Variants in LYPLA1 observed in about 807,000 individuals in gnomAD.
LYPLA1 encodes acyl-protein thioesterase 1.
LYPLA1 carries 17 observed loss-of-function variants against 34.0 expected under a neutral mutation model. The ratio of observed to expected loss-of-function variants is 0.50; its 90% CI spans 0.34 to 0.75. LYPLA1 has a LOEUF of 0.75. LYPLA1 is among the 30% of genes least tolerant of loss of function. LYPLA1 has a pLI of 0.01. For missense variants in LYPLA1, 203 were observed against 288.8 expected, an observed-to-expected ratio of 0.70 and a Z score of 2.15; for synonymous variants, 98 against 100.8, an observed-to-expected ratio of 0.97 and a Z score of 0.17.
chr8:54,059,785 G>A (rs1563578944), intron 5 of LYPLA1, among the ~76,000 whole-genome samples: 2 of 152,144 alleles, frequency 1.3e-5, no homozygotes, highest in Admixed American at 1.3e-4. Context: ...AGCCAGGCAT[G>A]GTGGCACATG....
At chr8:54,075,750 G>A (rs1394505664) in intron 2 of LYPLA1, among the ~76,000 whole-genome samples, 2 of 152,108 alleles carry the variant, frequency 1.3e-5, no homozygotes, top group Non-Finnish European at 2.9e-5. Flanking sequence ...TATGCTTTCT[G>A]ATCTCAGTAT....
At chr8:54,080,555 T>C (rs1808237828) in intron 2 of LYPLA1, among the ~76,000 whole-genome samples, 1 of 152,202 alleles carries the variant, frequency 6.6e-6, no homozygotes, top group Non-Finnish European at 1.5e-5. Flanking sequence ...ATGGTGACTA[T>C]AGAAACAGAA....
chr8:54,097,806 A>C, intron 2 of LYPLA1, among the ~76,000 whole-genome samples: 1 of 152,256 alleles, frequency 6.6e-6, no homozygotes, highest in Non-Finnish European at 1.5e-5. Context: ...CTTGTGATAA[A>C]GTTTATTGTG....
At chr8:54,083,704 A>T (rs10112111) in intron 2 of LYPLA1, among the ~76,000 whole-genome samples, 5,762 of 152,300 alleles carry the variant, frequency 0.038, 372 homozygotes, top group African/African-American at 0.13. Context: ...AGTTTCATAT[A>T]CTTTTCATGT....
At chr8:54,081,993 G>A (rs1393562702) in intron 2 of LYPLA1, among the ~76,000 whole-genome samples, 1 of 152,116 alleles carries the variant, frequency 6.6e-6, no homozygotes, top group Non-Finnish European at 1.5e-5. Context: ...ACCTCCCAAA[G>A]TGCTGAGATT....
intron 2 of LYPLA1, among the ~76,000 whole-genome samples, chr8:54,086,930 A>C (rs959700684): frequency 6.6e-5 from 10 of 152,192 alleles, no homozygotes; most frequent in African/African-American, 2.4e-4. Flanking sequence ...TCGACATATA[A>C]TTAGGATTAT....
chr8:54,080,496 A>T (rs1808230972), intron 2 of LYPLA1, among the ~76,000 whole-genome samples: 1 of 152,244 alleles, frequency 6.6e-6, no homozygotes, highest in Non-Finnish European at 1.5e-5. Context: ...TGACAGCCGT[A>T]TTCCTTTATG....
intron 5 of LYPLA1, among the ~76,000 whole-genome samples, chr8:54,057,022 G>A (rs1309640163): frequency 2.0e-5 from 3 of 152,086 alleles, no homozygotes; most frequent in Admixed American, 6.6e-5. Flanking sequence ...ATCACTGATC[G>A]CCAGCAAAAT....
At chr8:54,062,002 C>A (rs1027002449) in intron 5 of LYPLA1, among the ~76,000 whole-genome samples, 3 of 151,910 alleles carry the variant, frequency 2.0e-5, no homozygotes, top group Non-Finnish European at 2.9e-5. Context: ...ATTACAGGCG[C>A]CCACCACCAT....
chr8:54,054,363 A>G (rs1218535669), intron 6 of LYPLA1: 1 of 152,604 alleles, frequency 6.6e-6, no homozygotes, highest in Non-Finnish European at 1.5e-5. Context: ...AACAAACACC[A>G]AATCAGTAAC....
intron 1 of LYPLA1, 194 bp downstream of exon 1, chr8:54,101,561 G>C: frequency 7.8e-6 from 9 of 1,148,526 alleles, no homozygotes; most frequent in Non-Finnish European, 9.6e-6. Flanking sequence ...ACTGGCCCTC[G>C]CGCCGGCTGT....
At chr8:54,059,216 A>T (rs937187646) in intron 5 of LYPLA1, among the ~76,000 whole-genome samples, 1 of 152,052 alleles carries the variant, frequency 6.6e-6, no homozygotes, top group African/African-American at 2.4e-5. Flanking sequence ...TCTAACTCTA[A>T]TCTACTTTTT....
At chr8:54,063,425 C>T (rs755604160) in intron 3 of LYPLA1, 50 bp from the exon 4 acceptor site, 2 of 1,153,210 alleles carry the variant, frequency 1.7e-6, no homozygotes, top group African/African-American at 1.6e-5. Context: ...AGCATAAAAA[C>T]TGATAAATTC....
intron 2 of LYPLA1, among the ~76,000 whole-genome samples, chr8:54,066,694 T>C (rs1807092603): frequency 6.6e-6 from 1 of 151,638 alleles, no homozygotes; most frequent in Non-Finnish European, 1.5e-5. Flanking sequence ...GGCAGGAGAA[T>C]TGCTTGAACC....
intron 2 of LYPLA1, among the ~76,000 whole-genome samples, chr8:54,067,716 G>A (rs1391205337): frequency 2.9e-5 from 4 of 136,214 alleles, no homozygotes; most frequent in Non-Finnish European, 6.2e-5. Flanking sequence ...TTTTTTTTGA[G>A]ACAGAGTCTT....
chr8:54,059,078 T>C (rs558821334), intron 5 of LYPLA1, among the ~76,000 whole-genome samples: 16 of 152,310 alleles, frequency 1.1e-4, no homozygotes, highest in Admixed American at 4.6e-4. Context: ...AATCTTTCAT[T>C]CTGGACCTCA....
At position 54,101,904 on chromosome 8, in the gene LYPLA1, C is replaced by A; in HGVS notation, c.-81G>T. On this transcript the variant is annotated 5_prime_UTR_variant, in exon 1 of 9. Transcript: ENST00000316963. ...CCAAGGGCGTGCGAGCGGCGAGTCC[C>A]GGCCGGCCCCACCGGGCGCACGCTC... The A allele has an allele frequency of 2.3e-6, 2 of 851,406 alleles. No homozygotes were observed. The highest frequency in any genetic ancestry group is 3.0e-6 in the Non-Finnish European group (2 of 659,788). 52.7% of individuals were successfully genotyped at this position (851,406 alleles called of 1,614,324 possible). A position where few individuals can be genotyped will look rare whatever the true frequency, so the allele number is the denominator to read the frequency against.
intron 2 of LYPLA1, among the ~76,000 whole-genome samples, chr8:54,078,876 C>T (rs1808095172): frequency 6.8e-6 from 1 of 146,566 alleles, no homozygotes; most frequent in Non-Finnish European, 1.5e-5. Flanking sequence ...CTATGTTCAA[C>T]AACCCCCCCC....
downstream of LYPLA1, among the ~76,000 whole-genome samples, chr8:54,045,887 C>T (rs1376574846): frequency 6.6e-6 from 1 of 152,088 alleles, no homozygotes; most frequent in East Asian, 1.9e-4. Context: ...GTGGCAAAAC[C>T]CTGTCTCTAC....
Sources: allele counts gnomAD v4.1 joint callset (sites outside exome capture counted in the v4.1 genomes callset), GRCh38; gene constraint gnomAD v4.1.1; transcripts MANE v1.5; gene names NCBI Gene and HGNC (gene_info 2026-07-23, HGNC 2026-07-21).